Variants in UTP4 observed in about 807,000 individuals in gnomAD.
The protein encoded by UTP4 is U3 small nucleolar RNA-associated protein 4 homolog.
Under a neutral mutation model 82.4 loss-of-function variants are expected in UTP4, and 45 were observed. The ratio of observed to expected loss-of-function variants is 0.55; its 90% CI spans 0.43 to 0.70. The LOEUF (loss-of-function observed/expected upper bound fraction) is 0.70, where lower values mean the gene tolerates loss of function less well. Ranked by LOEUF, UTP4 falls within the 30% of genes least tolerant of loss-of-function variation. UTP4 has a pLI of 0.00. For synonymous variants in UTP4, 348 were observed against 300.3 expected, an observed-to-expected ratio of 1.16 and a Z score of -1.64; for missense variants, 819 against 858.3, an observed-to-expected ratio of 0.95 and a Z score of 0.57.
intron 2 of UTP4, 121 bp from the exon 3 acceptor site, chr16:69,136,575 A>T: frequency 1.1e-6 from 1 of 910,100 alleles, no homozygotes; most frequent in Non-Finnish European, 1.8e-6. Context: ...ATGATCTGAT[A>T]GCACAAAACC....
At chr16:69,156,418 A>G (rs1963416951) in intron 11 of UTP4, among the ~76,000 whole-genome samples, 1 of 149,452 alleles carries the variant, frequency 6.7e-6, no homozygotes, top group Non-Finnish European at 1.5e-5. Flanking sequence ...CAGCCTCCCA[A>G]AGTGCTGGGT....
chr16:69,159,848 C>T (rs933199999), intron 12 of UTP4, among the ~76,000 whole-genome samples: 9 of 151,730 alleles, frequency 5.9e-5, no homozygotes, highest in Non-Finnish European at 1.2e-4. Flanking sequence ...ATTAGCCAGG[C>T]ATGGTGGTGG....
chr16:69,137,921 T>A, intron 4 of UTP4, 36 bp downstream of exon 4: 3 of 1,270,324 alleles, frequency 2.4e-6, no homozygotes, highest in Non-Finnish European at 3.5e-6. Context: ...TAAATAGCCT[T>A]AACAAGAAAT....
At chr16:69,162,393 T>C (rs1317221438) in intron 13 of UTP4, among the ~76,000 whole-genome samples, 1 of 151,482 alleles carries the variant, frequency 6.6e-6, no homozygotes, top group Non-Finnish European at 1.5e-5. Flanking sequence ...CCGGCCAACA[T>C]AGTGAGACCC....
intron 6 of UTP4, 148 bp from the exon 7 acceptor site, chr16:69,150,389 C>T (rs1238548336): frequency 5.5e-6 from 5 of 908,406 alleles, no homozygotes; most frequent in Non-Finnish European, 9.0e-6. Flanking sequence ...GAATCCTTAG[C>T]TTCTGGAAGG....
At position 69,155,923 on chromosome 16, in the gene UTP4, C is replaced by T. The variant is rs763768095; in HGVS notation, c.1217C>T (p.Ala406Val). ...SCISPCGSWI[A>V]YSTVSRFFLY... ...ATCTCCCCATGTGGAAGTTGGATAG[C>T]CTATTCTACAGTTTCTCGGTTTTTT... is the stretch of plus-strand genomic sequence containing the variant. Residue 406 changes from alanine to valine, a missense_variant, in exon 11 of 17, where the codon GCC becomes GTC. Coordinates refer to ENST00000314423, the MANE Select transcript of UTP4 (RefSeq NM_032830.3). 4.3e-6 allele frequency: 7 copies of T among 1,613,776 alleles called. No individual in the cohort carries two copies. The highest frequency in any genetic ancestry group is 4.0e-5 in the African/African-American group (3 of 74,902).
chr16:69,163,011 C>CTCT, intron 13 of UTP4, 72 bp from the exon 14 acceptor site: 1 of 1,191,044 alleles, frequency 8.4e-7, no homozygotes, highest in Non-Finnish European at 1.3e-6. Context: ...AACCCCTGAC[C>CTCT]TAGACCATTC....
At chr16:69,164,587 T>TAC (rs1491424579) in intron 14 of UTP4, among the ~76,000 whole-genome samples, 1 of 10,894 alleles carries the variant, frequency 9.2e-5, no homozygotes, top group African/African-American at 2.2e-4. Flanking sequence ...AATCATTCTT[T>TAC]ATATATATAT....
intron 5 of UTP4, among the ~76,000 whole-genome samples, chr16:69,141,518 A>T (rs1266375730): frequency 6.6e-6 from 1 of 151,888 alleles, no homozygotes; most frequent in African/African-American, 2.4e-5. Context: ...AGGATGTTTT[A>T]TCCTTACTGT....
intron 6 of UTP4, among the ~76,000 whole-genome samples, chr16:69,148,174 G>A (rs1205100768): frequency 1.3e-5 from 2 of 152,086 alleles, no homozygotes; most frequent in Non-Finnish European, 2.9e-5. Flanking sequence ...TGTTAGCCAG[G>A]ATGGTCTTGA....
intron 12 of UTP4, among the ~76,000 whole-genome samples, chr16:69,159,028 A>C (rs911456518): frequency 2.0e-5 from 3 of 152,062 alleles, no homozygotes; most frequent in African/African-American, 7.3e-5. Flanking sequence ...CTTCAAGTCT[A>C]TTGAACTTGC....
At chr16:69,133,386 A>T in intron 1 of UTP4, 72 bp from the exon 2 acceptor site, 1 of 1,446,336 alleles carries the variant, frequency 6.9e-7, no homozygotes, top group Non-Finnish European at 9.7e-7. Context: ...CAGTGATATT[A>T]AGGAACTGAA....
chr16:69,147,513 C>A (rs1004644641), intron 6 of UTP4, among the ~76,000 whole-genome samples: 1 of 152,038 alleles, frequency 6.6e-6, no homozygotes, highest in Non-Finnish European at 1.5e-5. Flanking sequence ...TCCAAACAAA[C>A]AAACAAACAA....
chr16:69,153,984 A>G (rs759978408), intron 9 of UTP4, among the ~76,000 whole-genome samples: 7 of 152,208 alleles, frequency 4.6e-5, no homozygotes, highest in African/African-American at 1.2e-4. Context: ...AGGCTGTTGA[A>G]AAACAACAAG....
chr16:69,165,047 T>C (rs1323577256), intron 14 of UTP4, among the ~76,000 whole-genome samples: 1 of 151,844 alleles, frequency 6.6e-6, no homozygotes, highest in African/African-American at 2.4e-5. Flanking sequence ...TACAAAAAAT[T>C]AGCCGGGCGT....
At position 69,144,461 on chromosome 16, in the gene UTP4, T is replaced by G. The variant is rs185609265; in HGVS notation, c.738+1072T>G. On this transcript the variant is annotated intron_variant, in intron 6 of 16. Transcript: ENST00000314423. ...CCTCGGCCTCCCAAAGTGCTGAGATTGCAGGCGTGAGCCACCACACCCAGC... is the reference window on the plus strand; with the variant it reads ...CCTCGGCCTCCCAAAGTGCTGAGATGGCAGGCGTGAGCCACCACACCCAGC... Among the ~76,000 whole-genome samples, 40 of 152,342 alleles carry G rather than the reference T, an allele frequency of 2.6e-4. 1 individual carries two copies. In the East Asian group the frequency reaches 7.7e-3, roughly 29 times the overall value.
At chr16:69,141,461 C>T (rs1962956594) in intron 5 of UTP4, among the ~76,000 whole-genome samples, 1 of 152,188 alleles carries the variant, frequency 6.6e-6, no homozygotes, top group Non-Finnish European at 1.5e-5. Flanking sequence ...TGAGAGTTAT[C>T]CCTTTGTGTA....
Position 69,139,850 on chromosome 16 carries a change from T to G in UTP4, c.462T>G (p.His154Gln), listed in dbSNP as rs1401709919. 1.2e-6 allele frequency: 2 copies of G among 1,613,968 alleles called. No individual in the cohort carries two copies. The highest frequency in any genetic ancestry group is 1.7e-4 in the Middle Eastern group (1 of 6,060). ...GTCGCATCCTGAGTCTCAGCTGGCA[T>G]CCCTCTGGTACCCACATTGCAGCTG... ...QKSRILSLSW[H>Q]PSGTHIAAGS... The change falls in exon 5 of 17, where the codon CAT becomes CAG. Residue 154 changes from histidine (H) to glutamine (Q), a missense_variant. Coordinates refer to ENST00000314423, the MANE Select transcript of UTP4 (RefSeq NM_032830.3).
At chr16:69,151,312 G>T (rs1402604554) in intron 8 of UTP4, among the ~76,000 whole-genome samples, 2 of 145,134 alleles carry the variant, frequency 1.4e-5, no homozygotes, top group Admixed American at 1.4e-4. Context: ...CAGCTTTGTG[G>T]TCCTTTTTTT....
Sources: allele counts gnomAD v4.1 joint callset (sites outside exome capture counted in the v4.1 genomes callset), GRCh38; gene constraint gnomAD v4.1.1; transcripts MANE v1.5; gene names NCBI Gene and HGNC (gene_info 2026-07-23, HGNC 2026-07-21).